RBFOX1: variants seen among roughly 807,000 people sequenced by gnomAD.
RBFOX1 encodes RNA binding fox-1 homolog 1.
RBFOX1 carries 8 observed loss-of-function variants against 57.7 expected under a neutral mutation model. That is an observed-to-expected ratio of 0.14 (90% CI 0.08 to 0.25). The LOEUF (loss-of-function observed/expected upper bound fraction) is 0.25. Among genes scored for constraint, RBFOX1 ranks in the 10% least tolerant of loss-of-function variants. The pLI is 1.00. For missense variants in RBFOX1, 611 were observed against 548.5 expected, an observed-to-expected ratio of 1.11 and a Z score of -1.14; for synonymous variants, 326 against 222.4, an observed-to-expected ratio of 1.47 and a Z score of -4.15.
intron 2 of RBFOX1, among the ~76,000 whole-genome samples, chr16:6,355,625 T>C (rs1347474912): frequency 6.6e-6 from 1 of 152,204 alleles, no homozygotes; most frequent in East Asian, 1.9e-4. Flanking sequence ...AGTAGAATGA[T>C]TTATAATCCT....
intron 2 of RBFOX1, among the ~76,000 whole-genome samples, chr16:6,380,720 G>A (rs1228956633): frequency 1.3e-5 from 2 of 152,024 alleles, no homozygotes; most frequent in African/African-American, 4.8e-5. Context: ...CTGTAAAACA[G>A]GTGTTAAGTA....
chr16:7,495,429 C>T (rs2068300480), intron 4 of RBFOX1, among the ~76,000 whole-genome samples: 1 of 152,174 alleles, frequency 6.6e-6, no homozygotes, highest in Non-Finnish European at 1.5e-5. Flanking sequence ...ATTTTACACA[C>T]CCACCAAAAG....
intron 2 of RBFOX1, among the ~76,000 whole-genome samples, chr16:6,342,519 C>T (rs984131138): frequency 6.6e-6 from 1 of 152,008 alleles, no homozygotes; most frequent in African/African-American, 2.4e-5. Flanking sequence ...AAGATGTGCA[C>T]AGCAACCTCA....
intron 1 of RBFOX1, among the ~76,000 whole-genome samples, chr16:6,083,330 T>C (rs2096036174): frequency 6.6e-6 from 1 of 152,204 alleles, no homozygotes; most frequent in South Asian, 2.1e-4. Flanking sequence ...AGGTGGAACA[T>C]GCTTTATTAG....
At chr16:6,853,020 C>G (rs972864303) in intron 3 of RBFOX1, among the ~76,000 whole-genome samples, 2 of 152,158 alleles carry the variant, frequency 1.3e-5, no homozygotes, top group African/African-American at 4.8e-5. Flanking sequence ...AGAATTGGAA[C>G]AGCTGGTCCC....
intron 2 of RBFOX1, among the ~76,000 whole-genome samples, chr16:5,474,240 A>T (rs977822210): frequency 6.6e-6 from 1 of 152,254 alleles, no homozygotes; most frequent in Non-Finnish European, 1.5e-5. Flanking sequence ...GGAACTTGTC[A>T]CAACAGGACT....
At chr16:6,412,305 T>C (rs1167104941) in intron 2 of RBFOX1, among the ~76,000 whole-genome samples, 1 of 152,166 alleles carries the variant, frequency 6.6e-6, no homozygotes, top group Non-Finnish European at 1.5e-5. Flanking sequence ...GCAGAAAGCT[T>C]TCATGAACTC....
At chr16:5,522,730 C>T (rs74369176) in intron 2 of RBFOX1, among the ~76,000 whole-genome samples, 6,298 of 152,242 alleles carry the variant, frequency 0.041, 164 homozygotes, top group East Asian at 0.1. Context: ...ATCTATGATT[C>T]TGCTCTCCAC....
intron 2 of RBFOX1, among the ~76,000 whole-genome samples, chr16:6,488,682 C>T (rs977566062): frequency 6.6e-6 from 1 of 152,110 alleles, no homozygotes; most frequent in African/African-American, 2.4e-5. Flanking sequence ...ATAATGGGTA[C>T]TTAAGAGATA....
intron 4 of RBFOX1, among the ~76,000 whole-genome samples, chr16:7,341,457 C>A (rs1038322169): frequency 6.6e-6 from 1 of 152,094 alleles, no homozygotes; most frequent in Non-Finnish European, 1.5e-5. Context: ...TCTCCGTCCT[C>A]AGAGGTTGCG....
At chr16:6,504,308 C>T (rs961783438) in intron 2 of RBFOX1, among the ~76,000 whole-genome samples, 2 of 152,194 alleles carry the variant, frequency 1.3e-5, no homozygotes, top group African/African-American at 2.4e-5. Flanking sequence ...GGCACCAGTG[C>T]ATCCAGCTTC....
chr16:6,502,473 T>C lies in RBFOX1; in HGVS notation c.-63-152130T>C, dbSNP rs1048416282. 5.3e-5 allele frequency among the ~76,000 whole-genome samples: 8 copies of C among 152,306 alleles called. 1 individual carries two copies. In the South Asian group the frequency reaches 8.3e-4, roughly 16 times the overall value. On this transcript the variant is annotated intron_variant, in intron 2 of 15. Transcript: ENST00000550418. ...AGTCTCAGTTTGCTCATCTGTAAAA[T>C]AGGATGGCAGTATAACCCATCTACT...
chr16:7,543,195 C>T (rs531595060), intron 5 of RBFOX1, among the ~76,000 whole-genome samples: 12 of 152,270 alleles, frequency 7.9e-5, no homozygotes, highest in Admixed American at 7.2e-4. Flanking sequence ...GAATCAAAGC[C>T]TTAGGGAATG....
chr16:6,376,792 AG>A (rs1262988523), intron 2 of RBFOX1, among the ~76,000 whole-genome samples: 2 of 152,172 alleles, frequency 1.3e-5, no homozygotes, highest in African/African-American at 4.8e-5. Context: ...TCGGGGTATT[AG>A]CAGCGCCATG....
chr16:7,408,456 C>T (rs1269251549), intron 4 of RBFOX1, among the ~76,000 whole-genome samples: 3 of 152,192 alleles, frequency 2.0e-5, no homozygotes, highest in African/African-American at 7.2e-5. Context: ...GAAAATATTC[C>T]GTAAATATCC....
Position 6,916,055 on chromosome 16 carries a change from T to C in RBFOX1, c.-15-136002T>C, listed in dbSNP as rs540574269. On this transcript the variant is annotated intron_variant, in intron 3 of 15. Coordinates refer to ENST00000550418, the MANE Select transcript of RBFOX1 (RefSeq NM_018723.4). ...CTGGCAGGAAGACAGAGCTCCACAC[T>C]GCTACTCCCCAGACCCAGGGCTTAT... Among the ~76,000 whole-genome samples, 20 of 151,960 alleles carry C rather than the reference T, an allele frequency of 1.3e-4. No homozygotes were observed. In the South Asian group the frequency reaches 4.2e-3, roughly 32 times the overall value.
intron 4 of RBFOX1, among the ~76,000 whole-genome samples, chr16:7,344,939 T>G (rs1198811409): frequency 1.3e-5 from 2 of 152,034 alleles, no homozygotes; most frequent in Admixed American, 6.5e-5. Context: ...GATCAGTTTT[T>G]CCCCCACTGT....
chr16:7,382,377 A>C (rs929994057), intron 4 of RBFOX1, among the ~76,000 whole-genome samples: 1 of 152,220 alleles, frequency 6.6e-6, no homozygotes, highest in Admixed American at 6.5e-5. Context: ...CTGCTCTGGA[A>C]TGTATATTTT....
chr16:5,363,086 C>T (rs1457232806), intron 1 of RBFOX1, among the ~76,000 whole-genome samples: 6 of 136,326 alleles, frequency 4.4e-5, no homozygotes, highest in Admixed American at 7.9e-5. Context: ...TAGGCTGGAG[C>T]GCAGTGGTGT....
Sources: allele counts gnomAD v4.1 joint callset (sites outside exome capture counted in the v4.1 genomes callset), GRCh38; gene constraint gnomAD v4.1.1; transcripts MANE v1.5; gene names NCBI Gene and HGNC (gene_info 2026-07-23, HGNC 2026-07-21).